The following SYT12 variants were observed in gnomAD, a reference collection of about 807,000 sequenced individuals.
SYT12 encodes synaptotagmin-12.
Under a neutral mutation model 39.5 loss-of-function variants are expected in SYT12, and 27 were observed. The observed-to-expected ratio is 0.68, with a 90% CI of 0.50 to 0.94. SYT12 has a LOEUF of 0.94. Ranked by LOEUF, SYT12 falls within the 40% of genes least tolerant of loss-of-function variation. SYT12 has a pLI of 0.00. For missense variants in SYT12, 536 were observed against 572.6 expected (o/e 0.94, Z 0.65); for synonymous variants, 233 against 239.7 (o/e 0.97, Z 0.26).
chr11:67,029,275 C>T (rs1950224978), intron 1 of SYT12: 1 of 152,208 alleles, frequency 6.6e-6, no homozygotes, highest in Non-Finnish European at 1.5e-5. Context: ...AGTGAAAGGA[C>T]TGATAATAGA....
At chr11:67,023,562 C>G (rs548204013) in intron 1 of SYT12, 102 bp downstream of exon 1, 17 of 152,244 alleles carry the variant, frequency 1.1e-4, no homozygotes, top group African/African-American at 4.1e-4. Flanking sequence ...GACCCCAGAG[C>G]CCCGCGCACT....
chr11:67,021,569 C>T (rs1591354266), upstream of SYT12, among the ~76,000 whole-genome samples: 1 of 152,160 alleles, frequency 6.6e-6, no homozygotes, highest in East Asian at 1.9e-4. Flanking sequence ...GCTTGAGCCA[C>T]TGTGCCTGGC....
chr11:67,023,302 C>T lies in SYT12; in HGVS notation c.-182C>T, dbSNP rs1422478850. On this transcript the variant is annotated 5_prime_UTR_variant, in exon 1 of 8. Transcript: ENST00000527043. ...GTCCGCCGCCCCGGCCCGGCCGAGC[C>T]CCCGGCCCGCGCCGCGCTCCTCGGA... 4 of 148,252 alleles carry T rather than the reference C, an allele frequency of 2.7e-5. No homozygotes were observed. The highest frequency in any genetic ancestry group is 6.0e-5 in the Non-Finnish European group (4 of 66,460). 9.2% of individuals were successfully genotyped at this position (148,252 alleles called of 1,614,324 possible).
chr11:67,027,070 G>A (rs1161613396), intron 1 of SYT12: 1 of 152,254 alleles, frequency 6.6e-6, no homozygotes, highest in Admixed American at 6.5e-5. Context: ...GCAGGTATGG[G>A]AGTCAGAGCT....
chr11:67,028,125 TG>T (rs943505713), intron 1 of SYT12: 1 of 152,238 alleles, frequency 6.6e-6, no homozygotes, highest in Non-Finnish European at 1.5e-5. Flanking sequence ...AATTACGCCC[TG>T]GGACTCTCAC....
In SYT12 at chr11:67,048,641, G is replaced by A. The variant is rs1444450312; in HGVS notation, c.1150G>A (p.Val384Met). ...CAGCAGCGACGGCCGTGGGGACAAC[G>A]TGGGCCATGTCATCATTGGGCCGTC... Reference protein sequence around the residue: ...ESSSDGRGDNVGHVIIGPSAS... With the variant: ...ESSSDGRGDNMGHVIIGPSAS... The change falls in exon 8 of 8, where the codon GTG becomes ATG. Residue 384 changes from valine to methionine, a missense_variant. Transcript: ENST00000527043. The A allele has an allele frequency of 7.4e-6, 12 of 1,612,510 alleles. No homozygotes were observed. The highest frequency in any genetic ancestry group is 2.7e-5 in the African/African-American group (2 of 74,930).
At chr11:67,006,846 C>G (rs1181025812) in exon 1 of SYT12, 1 of 152,244 alleles carries the variant, frequency 6.6e-6, no homozygotes, top group African/African-American at 2.4e-5. Flanking sequence ...CTGAAGGGCA[C>G]TTGGGCTCAT....
chr11:67,040,109 G>A lies in SYT12; in HGVS notation c.527G>A (p.Gly176Asp), dbSNP rs1950480152. 1 of 1,613,460 alleles carries A rather than the reference G, an allele frequency of 6.2e-7. No homozygotes were observed. ...ACGCTGAACGTGGCGGTGATGCAGG[G>A]CAAGGACCTCCTGGAGCGGGAGGAG... The part of the protein sequence containing the change: ...SHTLNVAVMQ[G>D]KDLLEREEAS... Residue 176 changes from glycine to aspartate, a missense_variant, in exon 4 of 8, where the codon GGC becomes GAC. Coordinates refer to ENST00000527043, the MANE Select transcript of SYT12 (RefSeq NM_177963.4).
intron 4 of SYT12, among the ~76,000 whole-genome samples, chr11:67,041,342 A>C (rs1227824062): frequency 6.6e-6 from 1 of 151,730 alleles, no homozygotes; most frequent in Non-Finnish European, 1.5e-5. Context: ...CATGTGGTGC[A>C]CACCTGTAAT....
At chr11:67,018,372 A>G (rs1489421125), upstream of SYT12, among the ~76,000 whole-genome samples, 3 of 152,120 alleles carry the variant, frequency 2.0e-5, no homozygotes, top group Non-Finnish European at 4.4e-5. Context: ...AAAAGAAAAA[A>G]AAAATAGCTG....
At chr11:67,040,336 T>C in intron 4 of SYT12, 133 bp downstream of exon 4, 1 of 1,274,556 alleles carries the variant, frequency 7.8e-7, no homozygotes, top group South Asian at 1.5e-5. Context: ...ATCCCAGAGC[T>C]GAAGCTTCAG....
At chr11:67,043,036 G>C (rs1950543914) in intron 4 of SYT12, among the ~76,000 whole-genome samples, 1 of 152,170 alleles carries the variant, frequency 6.6e-6, no homozygotes, top group South Asian at 2.1e-4. Flanking sequence ...AGTGACTAAA[G>C]CATCCCCCTT....
intron 1 of SYT12, among the ~76,000 whole-genome samples, chr11:67,007,644 A>T (rs1410162939): frequency 6.6e-6 from 1 of 152,148 alleles, no homozygotes; most frequent in Non-Finnish European, 1.5e-5. Flanking sequence ...GGCTCACTGC[A>T]ACCTCCGCCT....
intron 1 of SYT12, among the ~76,000 whole-genome samples, chr11:67,009,286 G>A (rs898422946): frequency 2.6e-5 from 4 of 152,130 alleles, no homozygotes; most frequent in Admixed American, 1.3e-4. Flanking sequence ...GGTTACAGGC[G>A]TGAGCCACTG....
intron 4 of SYT12, among the ~76,000 whole-genome samples, chr11:67,042,862 T>G (rs1950539375): frequency 1.3e-5 from 2 of 152,004 alleles, no homozygotes; most frequent in South Asian, 4.1e-4. Flanking sequence ...AAGAGTGTGG[T>G]CATGGTGGCC....
chr11:67,044,590 C>T lies in SYT12; in HGVS notation c.838-3C>T, dbSNP rs369303812. 39 of 1,611,956 alleles carry T rather than the reference C, an allele frequency of 2.4e-5. No individual in the cohort carries two copies. The highest frequency in any genetic ancestry group is 5.9e-6 in the Non-Finnish European group (7 of 1,179,338). ...CCCTCTGAGCCACCTGTCTGTCCCC[C>T]AGGCCGCCGATGCTGTGGGGGAGAT... On this transcript the variant is annotated splice_region_variant and splice_polypyrimidine_tract_variant and intron_variant, in intron 5 of 7. Coordinates refer to ENST00000527043, the MANE Select transcript of SYT12 (RefSeq NM_177963.4).
Position 67,043,621 on chromosome 11 carries a change from G to A in SYT12, c.622-17G>A. ...CTCTCAGGCCCCTAGCGCCCTCCAT[G>A]GCCTTTTCTCCTGCAGATCCAGAGA... On this transcript the variant is annotated splice_polypyrimidine_tract_variant and intron_variant, in intron 4 of 7. Transcript: ENST00000527043. The A allele has an allele frequency of 6.2e-7, 1 of 1,613,652 alleles. No individual in the cohort carries two copies. Among genetic ancestry groups the A allele is most frequent in the African/African-American group, 1.3e-5 (1 of 74,994 alleles).
intron 3 of SYT12, among the ~76,000 whole-genome samples, chr11:67,035,197 C>A (rs879301330): frequency 6.6e-6 from 1 of 151,538 alleles, no homozygotes; most frequent in Admixed American, 6.6e-5. Context: ...TTAGTAGATA[C>A]GGGGTTTCAC....
rs888461737 is a variant in SYT12 at position 67,049,942 on chromosome 11, TGA to T, written c.*1189_*1190del. The T allele has an allele frequency of 6.6e-6, 1 of 152,016 alleles. No homozygotes were observed. Among genetic ancestry groups the T allele is most frequent in the African/African-American group, 2.4e-5 (1 of 41,396 alleles). The allele number at this position is 152,016 out of a possible 1,614,324, so 9.4% of individuals were successfully genotyped here. The stretch of plus-strand genomic sequence containing the variant: ...GCTTGAGTTCCCTAGAAGCGAAATC[TGA>T]GAGGGGGATTCTGGGGCAAGTAGTT... On this transcript the variant is annotated 3_prime_UTR_variant, in exon 8 of 8. Coordinates refer to ENST00000527043, the MANE Select transcript of SYT12 (RefSeq NM_177963.4).
Sources: gnomAD v4.1 joint callset for allele counts (sites outside exome capture counted in the v4.1 genomes callset) on GRCh38, gnomAD v4.1.1 for gene constraint, MANE v1.5 for transcripts, NCBI Gene and HGNC (gene_info 2026-07-23, HGNC 2026-07-21) for gene names.